STXBP5: variants seen among roughly 807,000 people sequenced by gnomAD.
STXBP5 encodes the protein syntaxin binding protein 5.
A neutral mutation model predicts 152.4 loss-of-function variants in STXBP5; 50 were observed. That is an observed-to-expected ratio of 0.33 (90% CI 0.26 to 0.42). STXBP5 has a LOEUF of 0.42. Among genes scored for constraint, STXBP5 ranks in the 10% least tolerant of loss-of-function variants. The pLI is 1.00. For missense variants in STXBP5, 1,167 were observed against 1,388.6 expected, an observed-to-expected ratio of 0.84 and a Z score of 2.54; for synonymous variants, 492 against 494.7, an observed-to-expected ratio of 0.99 and a Z score of 0.07.
intron 5 of STXBP5, among the ~76,000 whole-genome samples, chr6:147,261,092 G>A (rs1779619739): frequency 6.6e-6 from 1 of 151,630 alleles, no homozygotes; most frequent in Non-Finnish European, 1.5e-5. Flanking sequence ...TCAAATGATG[G>A]TCATGACCCA....
intron 4 of STXBP5, among the ~76,000 whole-genome samples, chr6:147,254,390 C>T (rs1357003017): frequency 2.0e-5 from 3 of 152,166 alleles, no homozygotes; most frequent in Non-Finnish European, 4.4e-5. Context: ...TGGGCAAAGA[C>T]TTCGTGACTA....
chr6:147,326,380 A>G lies in STXBP5; in HGVS notation c.1929-745A>G, dbSNP rs1783257419. On this transcript the variant is annotated intron_variant, in intron 17 of 27. Coordinates refer to ENST00000321680, the MANE Select transcript of STXBP5 (RefSeq NM_001127715.4). The stretch of plus-strand genomic sequence containing the variant: ...AATTTTAATTAGTTACCAAGACTAT[A>G]TAAATCCATACTTAGAGCTCCAACT... Among the ~76,000 whole-genome samples, 4 of 152,212 alleles carry G rather than the reference A, an allele frequency of 2.6e-5. No individual in the cohort carries two copies. In the South Asian group the frequency reaches 8.3e-4, roughly 32 times the overall value.
chr6:147,247,525 T>G (rs1045393599), intron 4 of STXBP5, among the ~76,000 whole-genome samples: 11 of 152,188 alleles, frequency 7.2e-5, no homozygotes, highest in African/African-American at 2.7e-4. Flanking sequence ...CTCTTAATAT[T>G]CAGAGGAAAG....
intron 18 of STXBP5, among the ~76,000 whole-genome samples, chr6:147,333,854 G>C (rs1783701232): frequency 6.6e-6 from 1 of 152,166 alleles, no homozygotes. Context: ...ATAATGTTTA[G>C]ACAATTTGCA....
chr6:147,244,096 G>A (rs1427848656), intron 4 of STXBP5, among the ~76,000 whole-genome samples: 2 of 152,154 alleles, frequency 1.3e-5, no homozygotes, highest in African/African-American at 4.8e-5. Flanking sequence ...ATACAAGATA[G>A]CAATCATTTA....
chr6:147,384,937 T>G lies in STXBP5; in HGVS notation c.*182T>G. The G allele has an allele frequency of 1.6e-6, 1 of 632,894 alleles. No individual in the cohort carries two copies. The highest frequency in any genetic ancestry group is 3.0e-5 in the Admixed American group (1 of 33,288). The allele number at this position is 632,894 out of a possible 1,614,324, so 39.2% of individuals were successfully genotyped here. ...TTAACTGAGGAGTGTTCACACGCACTCGAAATGGAGTATATGGTGTGTGCC... is the reference window on the plus strand; with the variant it reads ...TTAACTGAGGAGTGTTCACACGCACGCGAAATGGAGTATATGGTGTGTGCC... On this transcript the variant is annotated 3_prime_UTR_variant, in exon 28 of 28. Transcript: ENST00000321680.
Position 147,315,678 on chromosome 6 carries a change from A to C in STXBP5, c.1566A>C (p.Ser522=). The change falls in exon 15 of 28, where the codon TCA becomes TCC. Residue 522 remains serine (S), a synonymous_variant. Transcript: ENST00000321680. ...ESRMLCIAGV[S]AHVIIYRFSK... The stretch of plus-strand genomic sequence containing the variant: ...GAATGCTGTGCATCGCTGGAGTTTC[A>C]GCTCATGTCATTATTTATAGATTCA... The C allele has an allele frequency of 6.2e-7, 1 of 1,613,882 alleles. No homozygotes were observed.
chr6:147,354,004 T>A (rs1301014862), intron 22 of STXBP5, among the ~76,000 whole-genome samples: 3 of 152,136 alleles, frequency 2.0e-5, no homozygotes, highest in Non-Finnish European at 4.4e-5. Context: ...TTTCATGTAA[T>A]ACATATAAAA....
chr6:147,221,260 T>C (rs1777446381), intron 2 of STXBP5, among the ~76,000 whole-genome samples: 1 of 152,106 alleles, frequency 6.6e-6, no homozygotes, highest in Non-Finnish European at 1.5e-5. Context: ...TGTTTATATA[T>C]GTAAACATAC....
At chr6:147,359,954 AAAAC>A (rs1283251328) in intron 23 of STXBP5, among the ~76,000 whole-genome samples, 10 of 152,280 alleles carry the variant, frequency 6.6e-5, no homozygotes, top group East Asian at 1.9e-4. Flanking sequence ...TTACAAGAAA[AAAAC>A]AAACAACCCC....
intron 9 of STXBP5, among the ~76,000 whole-genome samples, chr6:147,304,364 T>C (rs1320882814): frequency 6.6e-6 from 1 of 152,090 alleles, no homozygotes; most frequent in Non-Finnish European, 1.5e-5. Context: ...CTGCAAATAC[T>C]CAAAAGTCGA....
At chr6:147,329,031 A>G (rs948502405) in intron 18 of STXBP5, among the ~76,000 whole-genome samples, 35 of 152,002 alleles carry the variant, frequency 2.3e-4, no homozygotes, top group Non-Finnish European at 5.9e-5. Flanking sequence ...GAGAAGAAAT[A>G]TTTTTTGAAG....
At chr6:147,369,258 G>A (rs1218132316) in intron 25 of STXBP5, among the ~76,000 whole-genome samples, 2 of 151,792 alleles carry the variant, frequency 1.3e-5, no homozygotes, top group African/African-American at 2.4e-5. Context: ...GGAACTATTG[G>A]ATATTAAAAT....
intron 4 of STXBP5, among the ~76,000 whole-genome samples, chr6:147,245,383 T>TTC (rs1320564227): frequency 1.3e-5 from 2 of 152,158 alleles, no homozygotes; most frequent in Non-Finnish European, 1.5e-5. Flanking sequence ...TTAAATATCC[T>TTC]CCTTAATTAG....
chr6:147,219,887 T>A, intron 2 of STXBP5, among the ~76,000 whole-genome samples: 1 of 151,268 alleles, frequency 6.6e-6, no homozygotes, highest in East Asian at 1.9e-4. Context: ...TTCACTGATT[T>A]CTTCCTTAAC....
chr6:147,290,102 A>G (rs1196098102), intron 8 of STXBP5, among the ~76,000 whole-genome samples: 2 of 152,116 alleles, frequency 1.3e-5, no homozygotes, highest in African/African-American at 4.8e-5. Context: ...TAATTACTTG[A>G]GAGGCTGAGA....
chr6:147,347,253 T>C (rs575610262), intron 21 of STXBP5, among the ~76,000 whole-genome samples: 1 of 152,168 alleles, frequency 6.6e-6, no homozygotes, highest in Non-Finnish European at 1.5e-5. Flanking sequence ...AAAGTAGATA[T>C]CAATGAAATA....
chr6:147,228,180 G>A (rs1009699481), intron 2 of STXBP5, among the ~76,000 whole-genome samples: 24 of 151,772 alleles, frequency 1.6e-4, no homozygotes, highest in Non-Finnish European at 3.4e-4. Flanking sequence ...TCTATGTGTG[G>A]TTTACTCTTT....
At chr6:147,303,931 A>T (rs1221131532) in intron 9 of STXBP5, among the ~76,000 whole-genome samples, 1 of 152,162 alleles carries the variant, frequency 6.6e-6, no homozygotes, top group African/African-American at 2.4e-5. Context: ...ATTTGGTGTT[A>T]TCTGGTGGAA....
Sources: gnomAD v4.1 joint callset for allele counts (sites outside exome capture counted in the v4.1 genomes callset) on GRCh38, gnomAD v4.1.1 for gene constraint, MANE v1.5 for transcripts, NCBI Gene and HGNC (gene_info 2026-07-23, HGNC 2026-07-21) for gene names.